The following FAM53B variants were observed in gnomAD, a reference collection of about 807,000 sequenced individuals.
The protein encoded by FAM53B is protein FAM53B.
In FAM53B, 12 loss-of-function variants were observed where a neutral mutation model predicts 32.7. The ratio of observed to expected loss-of-function variants is 0.37; its 90% CI spans 0.24 to 0.59. The LOEUF (loss-of-function observed/expected upper bound fraction) is 0.59. Among genes scored for constraint, FAM53B ranks in the 20% least tolerant of loss-of-function variants. The pLI, the probability that FAM53B is intolerant of heterozygous loss-of-function variation, is 0.72. For synonymous variants in FAM53B, 234 were observed against 228.7 expected (o/e 1.02, Z -0.21); for missense variants, 477 against 577.7 (o/e 0.83, Z 1.79).
chr10:124,732,040 C>T (rs1368198417), intron 1 of FAM53B, among the ~76,000 whole-genome samples: 2 of 152,168 alleles, frequency 1.3e-5, no homozygotes, highest in Non-Finnish European at 2.9e-5. Flanking sequence ...GAGAGGGCAA[C>T]CTGGGATTGC....
In FAM53B at chr10:124,733,670, T is replaced by C. The variant is rs1478426229; in HGVS notation, c.-175+10343A>G. ...CAAGGGCGCCTGCTAAATGCGAGAG[T>C]TTTGTCTAAAAATAAACAAAGACCA... On this transcript the variant is annotated intron_variant, in intron 1 of 4. Transcript: ENST00000337318. This position sits in a 1 kb window ranked among gnomAD's most constrained non-coding sequence, Gnocchi z 4.3. 6.6e-6 allele frequency among the ~76,000 whole-genome samples: 1 copy of C among 152,076 alleles called. No individual in the cohort carries two copies. Among genetic ancestry groups the C allele is most frequent in the African/African-American group, 2.4e-5 (1 of 41,402 alleles).
chr10:124,726,572 C>CA (rs922477529), intron 1 of FAM53B, among the ~76,000 whole-genome samples: 36 of 152,328 alleles, frequency 2.4e-4, no homozygotes, highest in African/African-American at 7.9e-4. Flanking sequence ...TCAAATTCAG[C>CA]AAACCATTTG....
At chr10:124,741,691 G>A (rs1188324339) in intron 1 of FAM53B, among the ~76,000 whole-genome samples, 1 of 152,160 alleles carries the variant, frequency 6.6e-6, no homozygotes, top group East Asian at 1.9e-4. Flanking sequence ...CTAAAAGATG[G>A]AAACAGAAAG....
chr10:124,732,720 A>G (rs936637143), intron 1 of FAM53B, among the ~76,000 whole-genome samples: 1 of 152,070 alleles, frequency 6.6e-6, no homozygotes, highest in African/African-American at 2.4e-5. Flanking sequence ...TTAGCTGGGC[A>G]TAGTGGCACA....
chr10:124,669,929 C>CAGGGTGGGTAAGGACCAT (rs1195781184), intron 4 of FAM53B, among the ~76,000 whole-genome samples: 30 of 6,464 alleles, frequency 4.6e-3, no homozygotes, highest in African/African-American at 6.8e-3. Context: ...GTGAGGATTA[C>CAGGGTGGGTAAGGACCAT]AGGGTGGGTG....
At chr10:124,713,988 G>C (rs940237362) in intron 1 of FAM53B, 1 of 152,210 alleles carries the variant, frequency 6.6e-6, no homozygotes, top group Non-Finnish European at 1.5e-5. Context: ...TGTGACAAAA[G>C]CAATCTGTGG....
intron 4 of FAM53B, among the ~76,000 whole-genome samples, chr10:124,661,818 T>G (rs1949632905): frequency 6.6e-6 from 1 of 152,218 alleles, no homozygotes; most frequent in African/African-American, 2.4e-5. Context: ...GCCTGCTTCA[T>G]CCACAACAGT....
chr10:124,635,927 A>T (rs765624537), intron 4 of FAM53B, among the ~76,000 whole-genome samples: 1 of 152,268 alleles, frequency 6.6e-6, no homozygotes, highest in Non-Finnish European at 1.5e-5. Context: ...CTCTGTTATA[A>T]TAAGAATTGA....
chr10:124,667,215 C>T (rs1949678006), intron 4 of FAM53B: 7 of 556,552 alleles, frequency 1.3e-5, no homozygotes, highest in Middle Eastern at 4.6e-4. Context: ...TTACTTACAT[C>T]GATGACATGT....
chr10:124,696,918 C>T (rs1191520629), intron 2 of FAM53B, among the ~76,000 whole-genome samples: 4 of 152,170 alleles, frequency 2.6e-5, no homozygotes, highest in African/African-American at 7.2e-5. Flanking sequence ...TGATGCCCCC[C>T]GCCTACCCTC....
intron 1 of FAM53B, among the ~76,000 whole-genome samples, chr10:124,740,938 T>C (rs907551300): frequency 6.6e-6 from 1 of 152,300 alleles, no homozygotes; most frequent in Middle Eastern, 3.4e-3. Flanking sequence ...ACGAACCGGT[T>C]CTTTCAAAAG....
At chr10:124,721,866 G>A (rs1006630313) in intron 1 of FAM53B, among the ~76,000 whole-genome samples, 19 of 152,186 alleles carry the variant, frequency 1.2e-4, no homozygotes, top group African/African-American at 4.6e-4. Context: ...CAGCCAAGAT[G>A]GGAAGTGGCC....
intron 3 of FAM53B, among the ~76,000 whole-genome samples, chr10:124,694,486 A>T (rs1949855534): frequency 6.6e-6 from 1 of 152,216 alleles, no homozygotes; most frequent in South Asian, 2.1e-4. Flanking sequence ...CTTCCACCTT[A>T]TTATAACTTA....
intron 1 of FAM53B, among the ~76,000 whole-genome samples, chr10:124,715,820 A>G (rs958381393): frequency 2.0e-5 from 3 of 152,230 alleles, no homozygotes; most frequent in South Asian, 2.1e-4. Context: ...CGCCTCAGCT[A>G]TAAGTTAAGG....
intron 4 of FAM53B, among the ~76,000 whole-genome samples, chr10:124,648,589 C>A (rs921605129): frequency 6.6e-6 from 1 of 152,284 alleles, no homozygotes; most frequent in Non-Finnish European, 1.5e-5. Context: ...GGAGAACCCA[C>A]TAGAAATGCA....
chr10:124,679,464 C>G (rs967376074), intron 4 of FAM53B, among the ~76,000 whole-genome samples: 1 of 152,222 alleles, frequency 6.6e-6, no homozygotes, highest in Non-Finnish European at 1.5e-5. Context: ...CAGGGCCCCA[C>G]AGAAAAGCAA....
At chr10:124,639,525 C>A (rs1239411503) in intron 4 of FAM53B, among the ~76,000 whole-genome samples, 3 of 152,156 alleles carry the variant, frequency 2.0e-5, no homozygotes, top group African/African-American at 7.2e-5. Flanking sequence ...CCTGGGAAGA[C>A]CCAGCTCAAG....
At chr10:124,678,297 G>C (rs1301450888) in intron 4 of FAM53B, among the ~76,000 whole-genome samples, 1 of 152,188 alleles carries the variant, frequency 6.6e-6, no homozygotes. Context: ...ACTGGGGGGA[G>C]TGTGTGTACA....
At chr10:124,732,799 C>G (rs1950152629) in intron 1 of FAM53B, among the ~76,000 whole-genome samples, 1 of 151,312 alleles carries the variant, frequency 6.6e-6, no homozygotes, top group African/African-American at 2.4e-5. Context: ...TGCTGCACTC[C>G]AGCCTGGGTG....
Sources: gnomAD v4.1 joint callset for allele counts (sites outside exome capture counted in the v4.1 genomes callset) on GRCh38, gnomAD v4.1.1 for gene constraint, Gnocchi (gnomAD v3.1) non-coding constraint, MANE v1.5 for transcripts, NCBI Gene and HGNC (gene_info 2026-07-23, HGNC 2026-07-21) for gene names.